Variants in FARS2 observed in about 807,000 individuals in gnomAD.
The protein encoded by FARS2 is phenylalanyl-tRNA synthetase 2, mitochondrial, also known as phenylalanine--tRNA ligase, mitochondrial.
In FARS2, 40 loss-of-function variants were observed where a neutral mutation model predicts 46.4. That is an observed-to-expected ratio of 0.86 (90% CI 0.67 to 1.12). FARS2 has a LOEUF of 1.12. FARS2 is among the 50% of genes most tolerant of loss of function. The pLI is 0.00. For missense variants in FARS2, 513 were observed against 567.9 expected, an observed-to-expected ratio of 0.90 and a Z score of 0.98; for synonymous variants, 234 against 214.9, an observed-to-expected ratio of 1.09 and a Z score of -0.78.
intron 1 of FARS2, among the ~76,000 whole-genome samples, chr6:5,354,900 T>A (rs1043567284): frequency 1.3e-5 from 2 of 152,142 alleles, no homozygotes; most frequent in African/African-American, 4.8e-5. Flanking sequence ...GCCCCAGAGT[T>A]CCTATTTTTT....
At chr6:5,269,248 A>G (rs1581653508) in intron 1 of FARS2, among the ~76,000 whole-genome samples, 1 of 152,190 alleles carries the variant, frequency 6.6e-6, no homozygotes, top group African/African-American at 2.4e-5. Context: ...ACAGAAAACC[A>G]AACACCGCAT....
At chr6:5,556,028 A>G (rs1451495615) in intron 5 of FARS2, among the ~76,000 whole-genome samples, 3 of 152,110 alleles carry the variant, frequency 2.0e-5, no homozygotes, top group African/African-American at 7.2e-5. Flanking sequence ...CACCACTACT[A>G]TTACTCTGTT....
chr6:5,357,566 G>T (rs1758011941), intron 1 of FARS2, among the ~76,000 whole-genome samples: 1 of 152,230 alleles, frequency 6.6e-6, no homozygotes, highest in South Asian at 2.1e-4. Flanking sequence ...ATAAGTTATG[G>T]TTTGCATAGA....
chr6:5,717,037 C>T (rs186803947), intron 6 of FARS2, among the ~76,000 whole-genome samples: 8 of 152,338 alleles, frequency 5.3e-5, no homozygotes, highest in African/African-American at 1.4e-4. Flanking sequence ...CCAGCAAGTC[C>T]TGTCTCTTCA....
At chr6:5,492,252 G>C (rs1002294076) in intron 4 of FARS2, among the ~76,000 whole-genome samples, 1 of 152,100 alleles carries the variant, frequency 6.6e-6, no homozygotes, top group Admixed American at 6.5e-5. Flanking sequence ...ATATTTGAAC[G>C]CTTTTCTTTA....
rs368675958 is a variant in FARS2, at chr6:5,675,357, C to A, written c.1217+62037C>A. Among the ~76,000 whole-genome samples, 23 of 152,186 alleles carry A rather than the reference C, an allele frequency of 1.5e-4. No individual in the cohort carries two copies. The East Asian group carries it at 3.5e-3, about 23-fold the overall frequency. ...AGGAAGAAGCTCTGGGGAGGAGTAA[C>A]AGAGAATTTTAGGAGACAGAGAAAA... On this transcript the variant is annotated intron_variant, in intron 6 of 6. Coordinates refer to ENST00000274680, the MANE Select transcript of FARS2 (RefSeq NM_006567.5).
intron 5 of FARS2, chr6:5,609,615 T>C: frequency 3.3e-6 from 4 of 1,227,598 alleles, no homozygotes; most frequent in Non-Finnish European, 3.6e-6. Context: ...CCTCTTTGGC[T>C]GAAAGAAGCA....
At chr6:5,595,045 A>G (rs1174636411) in intron 5 of FARS2, among the ~76,000 whole-genome samples, 1 of 152,098 alleles carries the variant, frequency 6.6e-6, no homozygotes, top group African/African-American at 2.4e-5. Flanking sequence ...AGTCCAACCC[A>G]GTCTCCCACC....
intron 5 of FARS2, among the ~76,000 whole-genome samples, chr6:5,572,259 C>G (rs1772697840): frequency 6.6e-6 from 1 of 152,062 alleles, no homozygotes; most frequent in Non-Finnish European, 1.5e-5. Flanking sequence ...GGTGAAGGGA[C>G]AGCAGACACG....
At chr6:5,392,735 T>TACACACAC (rs10526282) in intron 2 of FARS2, among the ~76,000 whole-genome samples, 3 of 142,348 alleles carry the variant, frequency 2.1e-5, no homozygotes, top group East Asian at 2.0e-4. Context: ...TATATATATA[T>TACACACAC]ACACACACAC....
At chr6:5,441,391 T>C (rs1276361068) in intron 4 of FARS2, among the ~76,000 whole-genome samples, 2 of 152,226 alleles carry the variant, frequency 1.3e-5, no homozygotes, top group Admixed American at 1.3e-4. Context: ...CTCCCTTCTA[T>C]AAGCAATCAC....
chr6:5,594,822 G>A (rs191101920), intron 5 of FARS2, among the ~76,000 whole-genome samples: 23 of 152,298 alleles, frequency 1.5e-4, no homozygotes, highest in African/African-American at 3.1e-4. Flanking sequence ...CGATGAGGCC[G>A]ATGCTGTGAT....
At chr6:5,744,950 A>C (rs1415885838) in intron 6 of FARS2, among the ~76,000 whole-genome samples, 1 of 152,240 alleles carries the variant, frequency 6.6e-6, no homozygotes, top group Non-Finnish European at 1.5e-5. Flanking sequence ...AAAGGAAATC[A>C]AGATGATCAT....
chr6:5,666,085 G>A (rs1171996428), intron 6 of FARS2, among the ~76,000 whole-genome samples: 2 of 152,150 alleles, frequency 1.3e-5, no homozygotes, highest in South Asian at 2.1e-4. Context: ...CTAGCGTACC[G>A]CACTTGAAAA....
At chr6:5,770,401 TTGC>T (rs3058189) in intron 6 of FARS2, among the ~76,000 whole-genome samples, 32,092 of 151,400 alleles carry the variant, frequency 0.21, 4,682 homozygotes, top group African/African-American at 0.41. Context: ...TCTGTTGTTG[TTGC>T]TGCTGCTGCT....
intron 3 of FARS2, among the ~76,000 whole-genome samples, chr6:5,421,143 C>G (rs1762525762): frequency 1.3e-5 from 2 of 152,198 alleles, no homozygotes; most frequent in Admixed American, 6.5e-5. Flanking sequence ...TCCCAAACCT[C>G]AATTCTTGAC....
chr6:5,308,559 A>T (rs1452928291), intron 1 of FARS2, among the ~76,000 whole-genome samples: 1 of 152,208 alleles, frequency 6.6e-6, no homozygotes, highest in Non-Finnish European at 1.5e-5. Flanking sequence ...AATGACCATG[A>T]GCTTGAATGT....
chr6:5,646,756 A>G (rs1001287967), intron 6 of FARS2, among the ~76,000 whole-genome samples: 24 of 152,236 alleles, frequency 1.6e-4, no homozygotes, highest in African/African-American at 5.8e-4. Flanking sequence ...TGTAAATTCT[A>G]TGTAAATAGT....
At chr6:5,273,225 GT>G (rs1766085403) in intron 1 of FARS2, among the ~76,000 whole-genome samples, 3 of 152,168 alleles carry the variant, frequency 2.0e-5, no homozygotes, top group Non-Finnish European at 4.4e-5. Flanking sequence ...TCTATTTTTA[GT>G]TTTTTGAGGA....
Sources: allele counts gnomAD v4.1 joint callset (sites outside exome capture counted in the v4.1 genomes callset), GRCh38; gene constraint gnomAD v4.1.1; transcripts MANE v1.5; gene names NCBI Gene and HGNC (gene_info 2026-07-23, HGNC 2026-07-21).